UNC79: variants seen among roughly 807,000 people sequenced by gnomAD.
UNC79 encodes the protein protein unc-79 homolog.
A neutral mutation model predicts 283.1 loss-of-function variants in UNC79; 37 were observed. The observed-to-expected ratio is 0.13, with a 90% confidence interval of 0.10 to 0.17. The LOEUF (loss-of-function observed/expected upper bound fraction) is 0.17. Among genes scored for constraint, UNC79 ranks in the 10% least tolerant of loss-of-function variants. The pLI is 1.00. For synonymous variants in UNC79, 1,107 were observed against 1,200.2 expected, an observed-to-expected ratio of 0.92 and a Z score of 1.61; for missense variants, 2,272 against 3,211.1, an observed-to-expected ratio of 0.71 and a Z score of 7.07.
chr14:93,512,573 T>C (rs1264948585), intron 7 of UNC79, among the ~76,000 whole-genome samples: 1 of 152,168 alleles, frequency 6.6e-6, no homozygotes, highest in Non-Finnish European at 1.5e-5. Flanking sequence ...TAAAAAATGT[T>C]TACCTGTGCA....
chr14:93,497,917 C>T (rs531454192), intron 7 of UNC79, among the ~76,000 whole-genome samples: 9 of 151,740 alleles, frequency 5.9e-5, no homozygotes, highest in Non-Finnish European at 1.0e-4. Context: ...ATCTGGGAGG[C>T]GTAAATTGCA....
intron 1 of UNC79, among the ~76,000 whole-genome samples, chr14:93,396,767 A>C (rs565010031): frequency 2.6e-5 from 2 of 76,512 alleles, no homozygotes; most frequent in African/African-American, 8.4e-5. Context: ...TGCAAAGGGC[A>C]TGTGTGTGTA....
intron 1 of UNC79, among the ~76,000 whole-genome samples, chr14:93,373,731 A>T (rs916978942): frequency 5.3e-5 from 8 of 152,254 alleles, no homozygotes; most frequent in Admixed American, 2.6e-4. Flanking sequence ...TAGAAGAAGG[A>T]TAAATACTTT....
At chr14:93,395,946 T>A (rs1442317259) in intron 1 of UNC79, among the ~76,000 whole-genome samples, 1 of 152,180 alleles carries the variant, frequency 6.6e-6, no homozygotes, top group African/African-American at 2.4e-5. Context: ...GGGGAAATTA[T>A]TGGCAAATAT....
intron 7 of UNC79, among the ~76,000 whole-genome samples, chr14:93,502,758 C>A (rs1265222529): frequency 1.3e-5 from 2 of 152,200 alleles, no homozygotes; most frequent in Admixed American, 1.3e-4. Context: ...ATTTCCAAGA[C>A]AGGGACTGTA....
intron 1 of UNC79, among the ~76,000 whole-genome samples, chr14:93,334,152 C>T (rs1040187154): frequency 7.9e-5 from 12 of 152,318 alleles, no homozygotes; most frequent in Middle Eastern, 3.4e-3. Flanking sequence ...CATCTCTTGA[C>T]CCTCCATTAT....
intron 37 of UNC79, among the ~76,000 whole-genome samples, chr14:93,654,277 G>C (rs974749294): frequency 2.9e-4 from 44 of 152,112 alleles, no homozygotes; most frequent in African/African-American, 1.1e-3. Context: ...GATTGCTCGA[G>C]GCCAGGAGTT....
upstream of UNC79, among the ~76,000 whole-genome samples, chr14:93,427,600 T>C (rs1012799844): frequency 2.4e-4 from 36 of 152,074 alleles, no homozygotes. Flanking sequence ...CTGAATATAT[T>C]ATGTTTTACT....
intron 41 of UNC79, among the ~76,000 whole-genome samples, chr14:93,675,945 C>A (rs1200520691): frequency 1.3e-5 from 2 of 152,182 alleles, no homozygotes; most frequent in Non-Finnish European, 2.9e-5. Flanking sequence ...AAAGAGAAAC[C>A]AACTTTGCAT....
intron 42 of UNC79, among the ~76,000 whole-genome samples, chr14:93,684,132 C>T (rs1227925126): frequency 1.3e-5 from 2 of 152,236 alleles, no homozygotes. Context: ...TCCGCTGCTC[C>T]GTAAATCTCT....
chr14:93,595,462 C>A (rs1212873049), intron 23 of UNC79, among the ~76,000 whole-genome samples: 1 of 152,076 alleles, frequency 6.6e-6, no homozygotes, highest in Non-Finnish European at 1.5e-5. Context: ...AAAGTTCAGA[C>A]TCCTTAAACT....
intron 1 of UNC79, among the ~76,000 whole-genome samples, chr14:93,394,408 T>TTTATC (rs1198772017): frequency 1.4e-5 from 2 of 138,150 alleles, no homozygotes; most frequent in South Asian, 2.3e-4. Flanking sequence ...TTTATTTTAT[T>TTTATC]TTATCTTATT....
At chr14:93,517,853 TA>T (rs1289716366) in intron 7 of UNC79, among the ~76,000 whole-genome samples, 1 of 152,032 alleles carries the variant, frequency 6.6e-6, no homozygotes, top group Non-Finnish European at 1.5e-5. Context: ...GCCCCCCTGT[TA>T]TATTTTTCAC....
At chr14:93,470,806 T>C (rs751728150) in intron 2 of UNC79, among the ~76,000 whole-genome samples, 1 of 152,206 alleles carries the variant, frequency 6.6e-6, no homozygotes, top group Non-Finnish European at 1.5e-5. Flanking sequence ...ACCAAGACCA[T>C]CCAGTTTAAT....
intron 7 of UNC79, among the ~76,000 whole-genome samples, chr14:93,501,693 A>C (rs2059297280): frequency 6.6e-6 from 1 of 152,180 alleles, no homozygotes. Context: ...TCTCAAAAAA[A>C]AAAAGAAAAA....
intron 7 of UNC79, among the ~76,000 whole-genome samples, chr14:93,519,101 A>G (rs12882384): frequency 0.31 from 46,615 of 151,594 alleles, 7,533 homozygotes; most frequent in East Asian, 0.65. Flanking sequence ...TGCTTGTTTT[A>G]TCAGTTACTG....
chr14:93,428,170 G>A (rs2055772416), upstream of UNC79, among the ~76,000 whole-genome samples: 1 of 152,158 alleles, frequency 6.6e-6, no homozygotes, highest in African/African-American at 2.4e-5. Context: ...GTAGGGTAGT[G>A]AGGAAATGGA....
intron 1 of UNC79, among the ~76,000 whole-genome samples, chr14:93,353,962 G>A (rs1299205650): frequency 6.6e-6 from 1 of 152,164 alleles, no homozygotes; most frequent in Non-Finnish European, 1.5e-5. Context: ...ATCAAAAATA[G>A]GGTATGGAAA....
chr14:93,620,946 G>C (rs754733674), intron 29 of UNC79: 1 of 518,862 alleles, frequency 1.9e-6, no homozygotes, highest in Middle Eastern at 3.2e-4. Flanking sequence ...ACTGGACCCT[G>C]CAATAAAGAG....
Sources: gnomAD v4.1 joint callset for allele counts (sites outside exome capture counted in the v4.1 genomes callset) on GRCh38, gnomAD v4.1.1 for gene constraint, MANE v1.5 for transcripts, NCBI Gene and HGNC (gene_info 2026-07-23, HGNC 2026-07-21) for gene names.